Variants in MTMR10 observed in about 807,000 individuals in gnomAD.
The protein encoded by MTMR10 is myotubularin related protein 10, also known as myotubularin-related protein 10.
A neutral mutation model predicts 88.1 loss-of-function variants in MTMR10; 56 were observed. That is an observed-to-expected ratio of 0.64 (90% CI 0.51 to 0.79). The LOEUF (loss-of-function observed/expected upper bound fraction) is 0.79. Ranked by LOEUF, MTMR10 falls within the 30% of genes least tolerant of loss-of-function variation. The probability of loss-of-function intolerance (pLI) is 0.00; values close to 1 mark genes in which losing one functional copy is unlikely to be tolerated. For missense variants in MTMR10, 883 were observed against 924.7 expected (o/e 0.95, Z 0.58); for synonymous variants, 380 against 340.9 (o/e 1.11, Z -1.26).
intron 2 of MTMR10, among the ~76,000 whole-genome samples, chr15:30,990,211 G>A (rs539467424): frequency 6.6e-6 from 1 of 152,118 alleles, no homozygotes. Context: ...GGGGGATAAG[G>A]GTACTACTAC....
chr15:30,935,837 C>CT (rs1026590545), downstream of MTMR10, among the ~76,000 whole-genome samples: 51 of 151,548 alleles, frequency 3.4e-4, no homozygotes, highest in Non-Finnish European at 4.1e-4. Flanking sequence ...ATCAGAGAAT[C>CT]TTTTTTTTTC....
chr15:30,928,898 AC>A, the MTMR10 span: 2 of 640,572 alleles, frequency 3.1e-6, no homozygotes, highest in African/African-American at 2.0e-5. Flanking sequence ...CGTATAAAGT[AC>A]CATCAGCATC....
chr15:30,933,597 C>T, the MTMR10 span, among the ~76,000 whole-genome samples: 37 of 152,222 alleles, frequency 2.4e-4, no homozygotes, highest in African/African-American at 7.9e-4. Flanking sequence ...GTGTGTTTAG[C>T]ATTTGTTGTG....
chr15:30,922,485 G>T, the MTMR10 span: 1 of 979,346 alleles, frequency 1.0e-6, no homozygotes. Context: ...TTCTTCTTTT[G>T]TCTGTGTTCT....
downstream of MTMR10, chr15:30,937,195 G>A (rs2062879035): frequency 3.7e-6 from 6 of 1,613,954 alleles, no homozygotes; most frequent in South Asian, 6.6e-5. Context: ...CAGAAGCTGG[G>A]GGCTGAAGTA....
intron 6 of MTMR10, among the ~76,000 whole-genome samples, chr15:30,966,230 T>C (rs1347673732): frequency 1.3e-5 from 2 of 152,168 alleles, no homozygotes; most frequent in Non-Finnish European, 2.9e-5. Context: ...GAAGAAATAG[T>C]GGAACTGAAT....
Position 30,958,845 on chromosome 15 carries a change from T to C in MTMR10, c.935+18A>G, listed in dbSNP as rs376775201. On this transcript the variant is annotated intron_variant, in intron 9 of 15. Coordinates refer to ENST00000435680, the MANE Select transcript of MTMR10 (RefSeq NM_017762.3). ...CAAGTAAAACTATCTAAAGTGACAA[T>C]GACCATTTCTCAATTACCTCTGGTC... 5.0e-6 allele frequency: 8 copies of C among 1,611,226 alleles called. No homozygotes were observed. The highest frequency in any genetic ancestry group is 2.2e-5 in the South Asian group (2 of 91,020).
In MTMR10 at chr15:30,960,957, C is replaced by A; in HGVS notation, c.682G>T (p.Asp228Tyr). The change falls in exon 7 of 16, where the codon GAC (aspartate) becomes TAC (tyrosine). Residue 228 changes from aspartate to tyrosine, a missense_variant. Transcript: ENST00000435680. ...GCACCTGTCCTCTTGATTTCTCTGT[C>A]CCAATCCGAGTAAGTTTCAAAGAGT... Reference protein sequence around the residue: ...TPLFETYSDWDREIKRTGASG... With the variant: ...TPLFETYSDWYREIKRTGASG... The A allele has an allele frequency of 6.2e-7, 1 of 1,610,172 alleles. No homozygotes were observed. The highest frequency in any genetic ancestry group is 8.5e-7 in the Non-Finnish European group (1 of 1,177,996).
At chr15:30,936,295 G>GT (rs1313453590), downstream of MTMR10, among the ~76,000 whole-genome samples, 3 of 152,284 alleles carry the variant, frequency 2.0e-5, no homozygotes, top group East Asian at 5.8e-4. Flanking sequence ...GCATTGAAAG[G>GT]TAAGAAGTCA....
At position 30,958,906 on chromosome 15, in the gene MTMR10, C is replaced by T. The variant is rs775940263; in HGVS notation, c.892G>A (p.Ala298Thr). The T allele has an allele frequency of 1.9e-6, 3 of 1,613,920 alleles. No individual in the cohort carries two copies. The highest frequency in any genetic ancestry group is 2.5e-6 in the Non-Finnish European group (3 of 1,179,860). ...HSNGSALVRMALIKDVLQQRK... is the reference protein window; with the variant it reads ...HSNGSALVRMTLIKDVLQQRK... The stretch of plus-strand genomic sequence containing the variant: ...TGCTGCAGCACGTCTTTGATGAGGG[C>T]CATTCGCACAAGAGCACTGCCGTTA... Residue 298 changes from alanine (A) to threonine (T), a missense_variant, in exon 9 of 16, where the codon GCC becomes ACC. By Grantham distance (58) the Ala-to-Thr change is moderately conservative. Around this residue, in one of 3 missense-constraint regions of MTMR10, gnomAD observed 414 missense variants for 423.2 expected, o/e 0.98. Coordinates refer to ENST00000435680, the MANE Select transcript of MTMR10 (RefSeq NM_017762.3).
downstream of MTMR10, chr15:30,937,238 G>A: frequency 6.2e-7 from 1 of 1,613,722 alleles, no homozygotes. Context: ...TTGGAGCTAA[G>A]AGCCAAAGCC....
chr15:30,926,906 C>G, the MTMR10 span: 1 of 985,326 alleles, frequency 1.0e-6, no homozygotes, highest in East Asian at 1.1e-4. Flanking sequence ...CTTTATGCCA[C>G]AGGGAATTTT....
At position 30,953,451 on chromosome 15, in the gene MTMR10, G is replaced by A. The variant is rs1170867720; in HGVS notation, c.1136+111C>T. ...TTACGAGATGTTACTATTGGGGGAA[G>A]TTGGATGAAGAGTAAGTACATGGCC... On this transcript the variant is annotated intron_variant, in intron 11 of 15. Coordinates refer to ENST00000435680, the MANE Select transcript of MTMR10 (RefSeq NM_017762.3). 5.2e-6 allele frequency: 4 copies of A among 774,114 alleles called. No individual in the cohort carries two copies. In the African/African-American group the frequency reaches 5.3e-5, roughly 10 times the overall value. 48.0% of individuals were successfully genotyped at this position (774,114 alleles called of 1,614,324 possible).
In MTMR10 at chr15:30,991,374, TCCC is replaced by T. The variant is rs2031316503; in HGVS notation, c.60+70_60+72del. 5 of 1,357,428 alleles carry T rather than the reference TCCC, an allele frequency of 3.7e-6. No homozygotes were observed. The East Asian group carries it at 1.4e-4, about 38-fold the overall frequency. 84.1% of individuals were successfully genotyped at this position (1,357,428 alleles called of 1,614,324 possible). A position where few individuals can be genotyped will look rare whatever the true frequency, so the allele number is the denominator to read the frequency against. ...GCGCAGCCTCCTGGGGTCCTCCAGT[TCCC>T]GGGGGTCGGCCTGGAGGCTCCACGG... On this transcript the variant is annotated intron_variant, in intron 1 of 15. Coordinates refer to ENST00000435680, the MANE Select transcript of MTMR10 (RefSeq NM_017762.3).
At position 30,974,574 on chromosome 15, in the gene MTMR10, T is replaced by G. The variant is rs534478693; in HGVS notation, c.332-118A>C. Reference sequence around the variant, plus strand: ...GGTCACCCAACATTTGAGCTCTGCTTGTCTAGAATGTTTCATACTTGTAAT... The same window carrying G: ...GGTCACCCAACATTTGAGCTCTGCTGGTCTAGAATGTTTCATACTTGTAAT... On this transcript the variant is annotated intron_variant, in intron 4 of 15. Coordinates refer to ENST00000435680, the MANE Select transcript of MTMR10 (RefSeq NM_017762.3). 2.4e-5 allele frequency: 23 copies of G among 978,168 alleles called. No homozygotes were observed. The South Asian group carries it at 6.4e-4, about 27-fold the overall frequency. 60.6% of individuals were successfully genotyped at this position (978,168 alleles called of 1,614,324 possible). A position where few individuals can be genotyped will look rare whatever the true frequency, so the allele number is the denominator to read the frequency against.
At chr15:30,927,894 T>C in the MTMR10 span, 1 of 985,740 alleles carries the variant, frequency 1.0e-6, no homozygotes, top group Non-Finnish European at 1.2e-6. Flanking sequence ...AGCACCTGAC[T>C]TCTGTCTCTC....
At position 30,954,800 on chromosome 15, in the gene MTMR10, C is replaced by T. The variant is rs1158236686; in HGVS notation, c.1029G>A (p.Gln343=). The T allele has an allele frequency of 6.2e-7, 1 of 1,602,876 alleles. No individual in the cohort carries two copies. The highest frequency in any genetic ancestry group is 1.7e-5 in the Admixed American group (1 of 58,414). Residue 343 remains glutamine (Q), a synonymous_variant, in exon 10 of 16, where the codon CAG becomes CAA. Transcript: ENST00000435680. ...GCTGCTTCAGTTTTACAAATGCTGCCTGTACTTCTTGAATATTAGGCAAGG... is the reference window on the plus strand; with the variant it reads ...GCTGCTTCAGTTTTACAAATGCTGCTTGTACTTCTTGAATATTAGGCAAGG... ...DKTLPNIQEV[Q]AAFVKLKQLC...
chr15:30,937,960 C>T (rs1040179768), downstream of MTMR10, among the ~76,000 whole-genome samples: 8 of 150,948 alleles, frequency 5.3e-5, no homozygotes, highest in African/African-American at 1.7e-4. Flanking sequence ...GCGAGGCAGG[C>T]GCATCATGAG....
At chr15:30,974,677 G>A (rs2029980411) in intron 4 of MTMR10, among the ~76,000 whole-genome samples, 21 of 151,980 alleles carry the variant, frequency 1.4e-4, no homozygotes, top group Admixed American at 1.4e-3. Context: ...CCACCATCTA[G>A]ACACATTTAA....
Sources: allele counts gnomAD v4.1 joint callset (sites outside exome capture counted in the v4.1 genomes callset), GRCh38; gene constraint gnomAD v4.1.1; regional missense constraint gnomAD v4.1.1; transcripts MANE v1.5; gene names NCBI Gene and HGNC (gene_info 2026-07-23, HGNC 2026-07-21).